Variants in PLS1 observed in about 807,000 individuals in gnomAD.
PLS1 encodes plastin 1.
A neutral mutation model predicts 73.7 loss-of-function variants in PLS1; 32 were observed. The observed-to-expected ratio is 0.43, with a 90% confidence interval of 0.33 to 0.58. The LOEUF (loss-of-function observed/expected upper bound fraction) is 0.58. Ranked by LOEUF, PLS1 falls within the 20% of genes least tolerant of loss-of-function variation. The pLI is 0.04. For synonymous variants in PLS1, 217 were observed against 261.3 expected, an observed-to-expected ratio of 0.83 and a Z score of 1.63; for missense variants, 633 against 740.5, an observed-to-expected ratio of 0.85 and a Z score of 1.68.
intron 12 of PLS1, among the ~76,000 whole-genome samples, chr3:142,703,289 A>ATTTT (rs56392615): frequency 1.9e-5 from 2 of 105,070 alleles, no homozygotes; most frequent in Admixed American, 1.1e-4. Flanking sequence ...ATAGTCAAGA[A>ATTTT]TTTTTTTTTT....
chr3:142,688,190 C>T lies in PLS1; in HGVS notation c.982-1428C>T, dbSNP rs190746770. On this transcript the variant is annotated intron_variant, in intron 9 of 15. Coordinates refer to ENST00000457734, the MANE Select transcript of PLS1 (RefSeq NM_001145319.2). The stretch of plus-strand genomic sequence containing the variant: ...ATCAAACTCCTGACCTCAAGTGATC[C>T]GCCTGCCTCTGCCTCCCAAAGTGCT... Among the ~76,000 whole-genome samples, 134 of 152,186 alleles carry T rather than the reference C, an allele frequency of 8.8e-4. 2 individuals carry two copies. The East Asian group carries it at 0.022, about 25-fold the overall frequency.
chr3:142,622,322 G>C (rs1211866531), intron 1 of PLS1, among the ~76,000 whole-genome samples: 1 of 152,112 alleles, frequency 6.6e-6, no homozygotes, highest in African/African-American at 2.4e-5. Context: ...TGTTTTGACA[G>C]GTATATACAT....
At chr3:142,635,556 T>G (rs1409805129) in intron 1 of PLS1, among the ~76,000 whole-genome samples, 2 of 152,122 alleles carry the variant, frequency 1.3e-5, no homozygotes, top group African/African-American at 2.4e-5. Context: ...TGAGCTGAGT[T>G]CGTGCCACTA....
chr3:142,684,640 C>T (rs1401839113), intron 8 of PLS1, among the ~76,000 whole-genome samples: 1 of 152,170 alleles, frequency 6.6e-6, no homozygotes, highest in Non-Finnish European at 1.5e-5. Context: ...GTGCTAGCCT[C>T]AACAGATTAA....
chr3:142,622,014 T>C (rs1371443604), intron 1 of PLS1, among the ~76,000 whole-genome samples: 1 of 152,224 alleles, frequency 6.6e-6, no homozygotes, highest in Non-Finnish European at 1.5e-5. Flanking sequence ...AAATTGACTC[T>C]GAGCTTTTGG....
intron 1 of PLS1, among the ~76,000 whole-genome samples, chr3:142,598,146 T>TA (rs951467970): frequency 2.0e-5 from 3 of 152,172 alleles, no homozygotes; most frequent in Admixed American, 1.3e-4. Flanking sequence ...CTATAGCACT[T>TA]ACTACTGTTG....
chr3:142,606,590 T>G (rs1267686849), intron 1 of PLS1, among the ~76,000 whole-genome samples: 1 of 152,200 alleles, frequency 6.6e-6, no homozygotes, highest in East Asian at 1.9e-4. Context: ...CTTTCCTCAT[T>G]TTCTACTACC....
chr3:142,644,379 T>C (rs1394154390), intron 1 of PLS1, among the ~76,000 whole-genome samples: 2 of 152,048 alleles, frequency 1.3e-5, no homozygotes, highest in Non-Finnish European at 2.9e-5. Flanking sequence ...GCCTCCTGAG[T>C]AACTAAGACC....
chr3:142,653,880 T>C (rs1050499243), intron 1 of PLS1, among the ~76,000 whole-genome samples: 1 of 152,206 alleles, frequency 6.6e-6, no homozygotes, highest in Non-Finnish European at 1.5e-5. Flanking sequence ...GCATTAACAG[T>C]TGAACCTGAT....
At chr3:142,667,724 C>T (rs1476862983) in intron 2 of PLS1, among the ~76,000 whole-genome samples, 1 of 152,184 alleles carries the variant, frequency 6.6e-6, no homozygotes, top group African/African-American at 2.4e-5. Context: ...AGGCAAATAA[C>T]TTCCTCAGTC....
In PLS1 at chr3:142,600,894, ATATATATATATATATATATATATTTTTT is replaced by A. The variant is rs1339715193; in HGVS notation, c.-37+4387_-37+4414del. Among the ~76,000 whole-genome samples, 11 of 25,840 alleles carry A rather than the reference ATATATATATATATATATATATATTTTTT, an allele frequency of 4.3e-4. 1 individual carries two copies. The highest frequency in any genetic ancestry group is 2.4e-3 in the African/African-American group (11 of 4,492). 17.0% of individuals were successfully genotyped at this position (25,840 alleles called of 152,430 possible). The stretch of plus-strand genomic sequence containing the variant: ...CCTGGTTTCATATATATATATATAT[ATATATATATATATATATATATATTTTTT>A]TTTTTTTTTTTTTTTTTTTGAGACG... On this transcript the variant is annotated intron_variant, in intron 1 of 15. Coordinates refer to ENST00000457734, the MANE Select transcript of PLS1 (RefSeq NM_001145319.2).
Position 142,650,211 on chromosome 3 carries a change from C to CTTTTTTTTTTTT in PLS1, c.-36-13977_-36-13966dup, listed in dbSNP as rs1171297517. The stretch of plus-strand genomic sequence containing the variant: ...GCAGTGTTGGTTTTGGCTTCTTCTT[C>CTTTTTTTTTTTT]TTTTTTTTTTTTTTTTTTTTTTTTT... On this transcript the variant is annotated intron_variant, in intron 1 of 15. Coordinates refer to ENST00000457734, the MANE Select transcript of PLS1 (RefSeq NM_001145319.2). 2.7e-4 allele frequency among the ~76,000 whole-genome samples: 19 copies of CTTTTTTTTTTTT among 70,870 alleles called. 1 individual carries two copies. The highest frequency in any genetic ancestry group is 5.7e-4 in the African/African-American group (10 of 17,508). 46.5% of individuals were successfully genotyped at this position (70,870 alleles called of 152,430 possible).
chr3:142,608,100 C>T (rs554258898), intron 1 of PLS1, among the ~76,000 whole-genome samples: 1 of 152,288 alleles, frequency 6.6e-6, no homozygotes, highest in South Asian at 2.1e-4. Context: ...CTGCTTTGGC[C>T]TCCCAAACTG....
intron 12 of PLS1, among the ~76,000 whole-genome samples, chr3:142,700,532 C>A (rs193040686): frequency 7.9e-5 from 12 of 152,246 alleles, no homozygotes; most frequent in South Asian, 2.1e-4. Context: ...ACCGTGTTAG[C>A]CAGGATGGTC....
chr3:142,606,280 A>G (rs994689462), intron 1 of PLS1, among the ~76,000 whole-genome samples: 2 of 152,138 alleles, frequency 1.3e-5, no homozygotes, highest in Non-Finnish European at 2.9e-5. Flanking sequence ...CTTTATGCAC[A>G]GTTTTTTTTT....
intron 1 of PLS1, among the ~76,000 whole-genome samples, chr3:142,658,641 TTG>T (rs1460782707): frequency 6.6e-6 from 1 of 152,212 alleles, no homozygotes; most frequent in Admixed American, 6.5e-5. Flanking sequence ...ATATAGTATT[TTG>T]TGTTTTTATA....
intron 1 of PLS1, among the ~76,000 whole-genome samples, chr3:142,653,921 G>A (rs2037159935): frequency 6.6e-6 from 1 of 152,114 alleles, no homozygotes. Flanking sequence ...ATAGTTTTAG[G>A]AGAAACTGAT....
rs1348694274 is a variant in PLS1 at position 142,689,612 on chromosome 3, G to A, written c.982-6G>A. 1 of 1,520,046 alleles carries A rather than the reference G, an allele frequency of 6.6e-7. No individual in the cohort carries two copies. Among genetic ancestry groups the A allele is most frequent in the Admixed American group, 2.2e-5 (1 of 44,774 alleles). The allele number at this position is 1,520,046 out of a possible 1,614,324, so 94.2% of individuals were successfully genotyped here. ...CAATTGTAACCATTTTTGTTTTATTGTTTAGGAGACAAATGACCTGAAGCG... is the reference window on the plus strand; with the variant it reads ...CAATTGTAACCATTTTTGTTTTATTATTTAGGAGACAAATGACCTGAAGCG... On this transcript the variant is annotated splice_polypyrimidine_tract_variant and splice_region_variant and intron_variant, in intron 9 of 15. Coordinates refer to ENST00000457734, the MANE Select transcript of PLS1 (RefSeq NM_001145319.2).
intron 1 of PLS1, among the ~76,000 whole-genome samples, chr3:142,624,464 A>G (rs900660952): frequency 2.0e-5 from 3 of 152,236 alleles, no homozygotes; most frequent in Non-Finnish European, 4.4e-5. Context: ...GTAAAGCAGA[A>G]AATGAGCAGT....
Sources: allele counts gnomAD v4.1 joint callset (sites outside exome capture counted in the v4.1 genomes callset), GRCh38; gene constraint gnomAD v4.1.1; transcripts MANE v1.5; gene names NCBI Gene and HGNC (gene_info 2026-07-23, HGNC 2026-07-21).